Variants in SCN8A observed in about 807,000 individuals in gnomAD.
The protein encoded by SCN8A is sodium voltage-gated channel alpha subunit 8, also known as sodium channel protein type 8 subunit alpha.
In SCN8A, 30 loss-of-function variants were observed where a neutral mutation model predicts 184.1. The ratio of observed to expected loss-of-function variants is 0.16; its 90% CI spans 0.12 to 0.22. The LOEUF is 0.22. Ranked by LOEUF, SCN8A falls within the 10% of genes least tolerant of loss-of-function variation. The pLI, the probability that SCN8A is intolerant of heterozygous loss-of-function variation, is 1.00. For missense variants in SCN8A, 1,057 were observed against 2,498.9 expected, an observed-to-expected ratio of 0.42 and a Z score of 12.30; for synonymous variants, 852 against 907.0, an observed-to-expected ratio of 0.94 and a Z score of 1.09.
chr12:51,718,281 A>G (rs1030649987), intron 11 of SCN8A, among the ~76,000 whole-genome samples: 12 of 152,212 alleles, frequency 7.9e-5, no homozygotes, highest in Non-Finnish European at 1.3e-4. Flanking sequence ...CAGGAGTTCA[A>G]GATCAGCCTG....
At position 51,807,685 on chromosome 12, in the gene SCN8A, A is replaced by C; in HGVS notation, c.*256A>C. ...GTTACTGCATGTTCCACATCAGTCA[A>C]TGCAACTTAGGACAAAACTAACCAG... is the stretch of plus-strand genomic sequence containing the variant. On this transcript the variant is annotated 3_prime_UTR_variant, in exon 27 of 27. Transcript: ENST00000627620. This position sits in a 1 kb window ranked among gnomAD's most constrained non-coding sequence, Gnocchi z 4.5. 5.7e-6 allele frequency: 3 copies of C among 527,864 alleles called. No individual in the cohort carries two copies. The East Asian group carries it at 9.7e-5, about 17-fold the overall frequency. 32.7% of individuals were successfully genotyped at this position (527,864 alleles called of 1,614,324 possible).
intron 1 of SCN8A, among the ~76,000 whole-genome samples, chr12:51,639,115 A>T (rs942584055): frequency 6.6e-6 from 1 of 151,988 alleles, no homozygotes; most frequent in Non-Finnish European, 1.5e-5. Context: ...CATAGCTGGG[A>T]CTACAGGCTT....
At chr12:51,734,697 G>T (rs918059059) in intron 12 of SCN8A, among the ~76,000 whole-genome samples, 3 of 152,186 alleles carry the variant, frequency 2.0e-5, no homozygotes, top group Admixed American at 2.0e-4. Context: ...GATTTTGGGG[G>T]GCTTGCTCCC....
Position 51,721,700 on chromosome 12 carries a change from G to A in SCN8A, c.1790G>A (p.Arg597His), listed in dbSNP as rs755358223. The A allele has an allele frequency of 1.4e-5, 23 of 1,589,504 alleles. No homozygotes were observed. Among genetic ancestry groups the A allele is most frequent in the Middle Eastern group, 1.6e-4 (1 of 6,062 alleles). The change falls in exon 12 of 27, where the codon CGC (arginine) becomes CAC (histidine). Residue 597 changes from arginine to histidine, a missense_variant. Physicochemically the swap from Arg to His is conservative, Grantham distance 29 (BLOSUM62 0). Transcript: ENST00000627620. ...EHSTVEESEGRRDSLFIPIRA... is the reference protein window; with the variant it reads ...EHSTVEESEGHRDSLFIPIRA... ...AGCACGGTGGAGGAGAGCGAGGGCC[G>A]CCGGGACTCCCTCTTCATCCCCATC...
chr12:51,633,045 T>C (rs1391167651), intron 1 of SCN8A, among the ~76,000 whole-genome samples: 1 of 152,222 alleles, frequency 6.6e-6, no homozygotes, highest in Non-Finnish European at 1.5e-5. Flanking sequence ...AATGTGGTAA[T>C]ATATGTGAAG....
intron 23 of SCN8A, 84 bp from the exon 24 acceptor site, chr12:51,789,197 G>A: frequency 1.4e-6 from 2 of 1,452,608 alleles, no homozygotes; most frequent in Non-Finnish European, 1.9e-6. Flanking sequence ...CAGCTCAAAT[G>A]GTCACAGTTA....
rs373065894 is a variant in SCN8A at position 51,705,194 on chromosome 12, A to C, written c.1135-223A>C. 3.3e-5 allele frequency among the ~76,000 whole-genome samples: 5 copies of C among 152,258 alleles called. No individual in the cohort carries two copies. The East Asian group carries it at 9.6e-4, about 29-fold the overall frequency. Reference sequence around the variant, plus strand: ...AATGAGAGGGGATTTTTTTGTCACAATGGTTGGGAGATAACTACTGCCATT... The same window carrying C: ...AATGAGAGGGGATTTTTTTGTCACACTGGTTGGGAGATAACTACTGCCATT... On this transcript the variant is annotated intron_variant, in intron 9 of 26. Coordinates refer to ENST00000627620, the MANE Select transcript of SCN8A (RefSeq NM_001330260.2).
chr12:51,776,064 A>G (rs1937682525), intron 20 of SCN8A, among the ~76,000 whole-genome samples: 1 of 152,180 alleles, frequency 6.6e-6, no homozygotes, highest in Non-Finnish European at 1.5e-5. Flanking sequence ...ATCTCTGCTC[A>G]CTGCAGCCTC....
intron 1 of SCN8A, among the ~76,000 whole-genome samples, chr12:51,660,924 A>C (rs1940913125): frequency 6.6e-6 from 1 of 152,112 alleles, no homozygotes; most frequent in Non-Finnish European, 1.5e-5. Flanking sequence ...TGGGTAGGAG[A>C]AGAATGAAGG....
chr12:51,698,000 T>C (rs1380564735), intron 6 of SCN8A, among the ~76,000 whole-genome samples: 1 of 152,152 alleles, frequency 6.6e-6, no homozygotes, highest in Non-Finnish European at 1.5e-5. Flanking sequence ...ATTACAGGCG[T>C]ATGCCACCAC....
chr12:51,624,561 T>C (rs1940034751), intron 1 of SCN8A, among the ~76,000 whole-genome samples: 1 of 152,020 alleles, frequency 6.6e-6, no homozygotes, highest in African/African-American at 2.4e-5. Flanking sequence ...ATTCTGTAGG[T>C]TGCCTGTTCA....
At position 51,769,194 on chromosome 12, in the gene SCN8A, C is replaced by T; in HGVS notation, c.3231C>T (p.Tyr1077=). Reference sequence around the variant, plus strand: ...GCATTGGCAGCAGCGTGGAGAAGTACATCATTGATGAGGACCACATGTCCT... The same window carrying T: ...GCATTGGCAGCAGCGTGGAGAAGTATATCATTGATGAGGACCACATGTCCT... ...TSGIGSSVEK[Y]IIDEDHMSFI... Residue 1077 remains tyrosine, a synonymous_variant, in exon 17 of 27, where the codon TAC becomes TAT. Transcript: ENST00000627620. The T allele has an allele frequency of 6.2e-7, 1 of 1,613,920 alleles. No individual in the cohort carries two copies. Among genetic ancestry groups the T allele is most frequent in the Non-Finnish European group, 8.5e-7 (1 of 1,179,854 alleles).
intron 7 of SCN8A, among the ~76,000 whole-genome samples, chr12:51,700,457 A>C (rs1036958685): frequency 1.3e-5 from 2 of 152,196 alleles, no homozygotes; most frequent in East Asian, 3.8e-4. Flanking sequence ...TCTTAATACT[A>C]CTAAGACTAT....
At chr12:51,743,409 T>A (rs1942458089) in intron 12 of SCN8A, among the ~76,000 whole-genome samples, 1 of 152,214 alleles carries the variant, frequency 6.6e-6, no homozygotes, top group African/African-American at 2.4e-5. Context: ...AATAATGCTG[T>A]GGTTTTTGCA....
intron 15 of SCN8A, among the ~76,000 whole-genome samples, chr12:51,764,405 C>T (rs879307596): frequency 6.6e-6 from 1 of 152,114 alleles, no homozygotes; most frequent in Non-Finnish European, 1.5e-5. Flanking sequence ...GAGGCCAAGG[C>T]GGGCGCATCA....
chr12:51,741,094 A>G (rs989915665), intron 12 of SCN8A, among the ~76,000 whole-genome samples: 4 of 152,160 alleles, frequency 2.6e-5, no homozygotes, highest in East Asian at 1.9e-4. Context: ...CCTGAGGTCT[A>G]TCTCTTTAGC....
intron 2 of SCN8A, among the ~76,000 whole-genome samples, chr12:51,674,375 C>T (rs758311691): frequency 6.6e-6 from 1 of 152,068 alleles, no homozygotes; most frequent in Non-Finnish European, 1.5e-5. Context: ...TTCTGTCACC[C>T]AGGCTGGAGT....
intron 24 of SCN8A, 86 bp from the exon 25 acceptor site, chr12:51,790,312 C>G: frequency 1.2e-6 from 1 of 848,688 alleles, no homozygotes; most frequent in South Asian, 1.8e-5. Flanking sequence ...GGTCTCCCCT[C>G]AGTTCTCAGT....
chr12:51,625,596 CG>C (rs1391961651), intron 1 of SCN8A, among the ~76,000 whole-genome samples: 1 of 152,086 alleles, frequency 6.6e-6, no homozygotes, highest in African/African-American at 2.4e-5. Flanking sequence ...TCAAACTGTG[CG>C]GTATTAGAGT....
Sources: allele counts gnomAD v4.1 joint callset (sites outside exome capture counted in the v4.1 genomes callset), GRCh38; gene constraint gnomAD v4.1.1; non-coding constraint Gnocchi (gnomAD v3.1); transcripts MANE v1.5; gene names NCBI Gene and HGNC (gene_info 2026-07-23, HGNC 2026-07-21).